Variants in MLXIPL observed in about 807,000 individuals in gnomAD.
MLXIPL encodes MLX interacting protein like.
MLXIPL carries 49 observed loss-of-function variants against 81.5 expected under a neutral mutation model. The observed-to-expected ratio is 0.60, with a 90% CI of 0.48 to 0.76. MLXIPL has a LOEUF of 0.76. Ranked by LOEUF, MLXIPL falls within the 30% of genes least tolerant of loss-of-function variation. The pLI, the probability that MLXIPL is intolerant of heterozygous loss-of-function variation, is 0.00. For synonymous variants in MLXIPL, 466 were observed against 485.5 expected, an observed-to-expected ratio of 0.96 and a Z score of 0.53; for missense variants, 1,053 against 1,167.0, an observed-to-expected ratio of 0.90 and a Z score of 1.42.
upstream of MLXIPL, chr7:73,624,575 GCCCCGC>G: frequency 2.1e-6 from 3 of 1,438,218 alleles, no homozygotes; most frequent in Non-Finnish European, 2.7e-6. Flanking sequence ...CATTAACATA[GCCCCGC>G]CCCCACACCA....
chr7:73,597,544 G>A lies in MLXIPL; in HGVS notation c.1241C>T (p.Pro414Leu), dbSNP rs782538733. Reference sequence around the variant, plus strand: ...AGTGGGTGGTGCCATGGGAGGGAAGGGAGGTGGGGGGCAGGGCTCCAGGCC... The same window carrying A: ...AGTGGGTGGTGCCATGGGAGGGAAGAGAGGTGGGGGGCAGGGCTCCAGGCC... Reference protein sequence around the residue: ...VPGLEPCPPPPFPPMAPPTAL... With the variant: ...VPGLEPCPPPLFPPMAPPTAL... Residue 414 changes from proline to leucine, a missense_variant, in exon 9 of 17, where the codon CCC becomes CTC. Physicochemically the swap from Pro to Leu is moderately conservative, Grantham distance 98 (BLOSUM62 -3). This residue lies in a region of MLXIPL where 823 missense variants were observed against 933.0 expected (regional missense o/e 0.88). Transcript: ENST00000313375. 6 of 1,374,872 alleles carry A rather than the reference G, an allele frequency of 4.4e-6. No homozygotes were observed. The South Asian group carries it at 1.0e-4, about 23-fold the overall frequency. 85.2% of individuals were successfully genotyped at this position (1,374,872 alleles called of 1,614,324 possible).
the MLXIPL span, among the ~76,000 whole-genome samples, chr7:73,641,315 AT>A: frequency 6.6e-6 from 1 of 152,104 alleles, no homozygotes; most frequent in Non-Finnish European, 1.5e-5. Flanking sequence ...CTGGGGACCC[AT>A]GGATCACCTC....
rs531719883 is a variant in MLXIPL, at chr7:73,621,228, A to T, written c.293+2972T>A. 1.5e-4 allele frequency among the ~76,000 whole-genome samples: 22 copies of T among 151,318 alleles called. No homozygotes were observed. In the South Asian group the frequency reaches 4.6e-3, roughly 32 times the overall value. On this transcript the variant is annotated intron_variant, in intron 1 of 16. Coordinates refer to ENST00000313375, the MANE Select transcript of MLXIPL (RefSeq NM_032951.3). ...TTTGCTCCCCTGCACCCTCAAGGCC[A>T]CTCTTCCTAAAGCTAGCCAGCTCTG...
At chr7:73,629,047 CT>C (rs782604408), upstream of MLXIPL, among the ~76,000 whole-genome samples, 244 of 143,618 alleles carry the variant, frequency 1.7e-3, no homozygotes, top group Middle Eastern at 0.015. Context: ...CTTTTCTTTT[CT>C]TTTTTTTTTT....
chr7:73,607,269 G>A (rs1026360494), intron 4 of MLXIPL, 62 bp downstream of exon 4: 11 of 1,485,210 alleles, frequency 7.4e-6, no homozygotes, highest in South Asian at 2.4e-5. Context: ...CTTCCGAGGC[G>A]GGCGGTAGCC....
intron 7 of MLXIPL, 142 bp downstream of exon 7, chr7:73,605,546 A>C: frequency 2.6e-6 from 2 of 776,752 alleles, no homozygotes; most frequent in Non-Finnish European, 4.1e-6. Flanking sequence ...ATGCCATCTC[A>C]AAATAAATAA....
At chr7:73,627,930 C>A (rs143553842), upstream of MLXIPL, among the ~76,000 whole-genome samples, 3 of 152,028 alleles carry the variant, frequency 2.0e-5, no homozygotes, top group Non-Finnish European at 4.4e-5. Flanking sequence ...GTCTTACTGG[C>A]GATCTGTCTC....
rs1563469694 is a variant in MLXIPL, at chr7:73,593,648, G to A, written c.*217C>T. ...CAGCGGACGAGTCACCCAAGGTCACGGTGCTGGAGCACAGTGGCAGAGCAG... is the reference window on the plus strand; with the variant it reads ...CAGCGGACGAGTCACCCAAGGTCACAGTGCTGGAGCACAGTGGCAGAGCAG... On this transcript the variant is annotated 3_prime_UTR_variant, in exon 17 of 17. Transcript: ENST00000313375. 7 of 548,376 alleles carry A rather than the reference G, an allele frequency of 1.3e-5. No individual in the cohort carries two copies. The highest frequency in any genetic ancestry group is 6.4e-5 in the East Asian group (2 of 31,288). The allele number at this position is 548,376 out of a possible 1,614,324, so 34.0% of individuals were successfully genotyped here.
At chr7:73,603,606 TAGG>T (rs72649022) in intron 7 of MLXIPL, among the ~76,000 whole-genome samples, 6,181 of 152,200 alleles carry the variant, frequency 0.041, 169 homozygotes, top group Non-Finnish European at 0.063. Context: ...GGGAAGGAAT[TAGG>T]AGGTCACTAA....
rs782479368 is a variant in MLXIPL at position 73,596,298 on chromosome 7, C to T, written c.1939-26G>A. On this transcript the variant is annotated intron_variant, in intron 12 of 16. Transcript: ENST00000313375. This position sits in a 1 kb window ranked among gnomAD's most constrained non-coding sequence, Gnocchi z 4.7. ...CTCGGGGAGCAGAGAGTTGGGTGAGCCTAGGAAGGAGCCCAGGAGGGCCTG... is the reference window on the plus strand; with the variant it reads ...CTCGGGGAGCAGAGAGTTGGGTGAGTCTAGGAAGGAGCCCAGGAGGGCCTG... 6.2e-7 allele frequency: 1 copy of T among 1,612,278 alleles called. No individual in the cohort carries two copies. Among genetic ancestry groups the T allele is most frequent in the Admixed American group, 1.7e-5 (1 of 59,774 alleles).
chr7:73,628,817 A>C (rs895658525), upstream of MLXIPL, among the ~76,000 whole-genome samples: 1 of 152,180 alleles, frequency 6.6e-6, no homozygotes, highest in Admixed American at 6.6e-5. Flanking sequence ...TTCATGGTCC[A>C]TGGAGATGCA....
At position 73,593,889 on chromosome 7, in the gene MLXIPL, C is replaced by T. The variant is rs1239162368; in HGVS notation, c.2535G>A (p.Glu845=). The T allele has an allele frequency of 3.1e-6, 5 of 1,613,980 alleles. No homozygotes were observed. The highest frequency in any genetic ancestry group is 4.2e-6 in the Non-Finnish European group (5 of 1,180,004). ...IPEQATRAVT[E]GTLGKPL is the part of the protein sequence containing the mutation. ...ACTATAAAGGTTTGCCAAGGGTGCC[C>T]TCTGTGACTGCCCGTGTGGCTTGCT... Residue 845 remains glutamate (E), a synonymous_variant, in exon 17 of 17, where the codon GAG becomes GAA. Transcript: ENST00000313375.
rs1286479615 is a variant in MLXIPL at position 73,623,289 on chromosome 7, A to G, written c.293+911T>C. On this transcript the variant is annotated intron_variant, in intron 1 of 16. Coordinates refer to ENST00000313375, the MANE Select transcript of MLXIPL (RefSeq NM_032951.3). The surrounding 1 kb of genome is among the most constrained non-coding windows in gnomAD (Gnocchi z 5.7). The stretch of plus-strand genomic sequence containing the variant: ...AGAGGAATATTTGCACAGAGAAAAG[A>G]TCAAGGCCGGCCGATCCCCCTTTCT... Among the ~76,000 whole-genome samples the G allele has an allele frequency of 2.0e-5, 3 of 152,238 alleles. No individual in the cohort carries two copies. Among genetic ancestry groups the G allele is most frequent in the Non-Finnish European group, 2.9e-5 (2 of 68,040 alleles).
At chr7:73,598,964 CA>C (rs1315720607) in intron 8 of MLXIPL, among the ~76,000 whole-genome samples, 86 of 150,466 alleles carry the variant, frequency 5.7e-4, no homozygotes, top group African/African-American at 2.1e-3. Flanking sequence ...ACTAAAAATA[CA>C]AAAATAAGCC....
chr7:73,604,828 G>A (rs1005429224), intron 7 of MLXIPL, among the ~76,000 whole-genome samples: 3 of 152,022 alleles, frequency 2.0e-5, no homozygotes, highest in South Asian at 2.1e-4. Context: ...GCAGTGGCGC[G>A]ATCTCGGCTC....
rs1794269198 is a variant in MLXIPL, at chr7:73,596,095, G to T, written c.2058+58C>A. On this transcript the variant is annotated intron_variant, in intron 13 of 16. Coordinates refer to ENST00000313375, the MANE Select transcript of MLXIPL (RefSeq NM_032951.3). The surrounding 1 kb of genome is among the most constrained non-coding windows in gnomAD (Gnocchi z 4.7). ...CCCCTGCAATTGAGTTTTGGGTGGG[G>T]GGGGTCCAGAAAGGGGCCCTGTGGT... 1.9e-6 allele frequency: 3 copies of T among 1,600,914 alleles called. No homozygotes were observed. Among genetic ancestry groups the T allele is most frequent in the Non-Finnish European group, 2.6e-6 (3 of 1,176,238 alleles).
At chr7:73,606,907 A>G in intron 5 of MLXIPL, 67 bp downstream of exon 5, 1 of 1,552,954 alleles carries the variant, frequency 6.4e-7, no homozygotes, top group Non-Finnish European at 8.8e-7. Flanking sequence ...GAAACTGTCA[A>G]CTCTGCCTCC....
intron 1 of MLXIPL, among the ~76,000 whole-genome samples, chr7:73,619,998 G>A (rs1796239861): frequency 1.3e-5 from 2 of 152,040 alleles, no homozygotes; most frequent in Admixed American, 6.6e-5. Context: ...CTGATGAGGA[G>A]CAGTGGTGGG....
chr7:73,596,571 C>A lies in MLXIPL; in HGVS notation c.1822+68G>T. ...CCTCTCATCTGGCCCCAGACCCAGT[C>A]CCCTTCTTCTTCCTCCTCTTCCCCT... On this transcript the variant is annotated intron_variant, in intron 11 of 16. Coordinates refer to ENST00000313375, the MANE Select transcript of MLXIPL (RefSeq NM_032951.3). This position sits in a 1 kb window ranked among gnomAD's most constrained non-coding sequence, Gnocchi z 4.7. 1 of 1,599,282 alleles carries A rather than the reference C, an allele frequency of 6.3e-7. No individual in the cohort carries two copies. The highest frequency in any genetic ancestry group is 1.7e-5 in the Admixed American group (1 of 57,702).
Sources: gnomAD v4.1 joint callset for allele counts (sites outside exome capture counted in the v4.1 genomes callset) on GRCh38, gnomAD v4.1.1 for gene constraint, gnomAD v4.1.1 regional missense constraint, Gnocchi (gnomAD v3.1) non-coding constraint, MANE v1.5 for transcripts, NCBI Gene and HGNC (gene_info 2026-07-23, HGNC 2026-07-21) for gene names.